Variants in PAPPA observed in about 807,000 individuals in gnomAD.
The protein encoded by PAPPA is pappalysin-1.
A neutral mutation model predicts 164.0 loss-of-function variants in PAPPA; 60 were observed. The observed-to-expected ratio is 0.37, with a 90% CI of 0.30 to 0.45. The LOEUF is 0.45. PAPPA is among the 20% of genes least tolerant of loss of function. PAPPA has a pLI of 1.00. For synonymous variants in PAPPA, 875 were observed against 814.1 expected, an observed-to-expected ratio of 1.07 and a Z score of -1.27; for missense variants, 1,782 against 2,087.3, an observed-to-expected ratio of 0.85 and a Z score of 2.85.
chr9:116,236,852 G>A (rs1844674145), intron 7 of PAPPA, among the ~76,000 whole-genome samples: 1 of 152,170 alleles, frequency 6.6e-6, no homozygotes, highest in Non-Finnish European at 1.5e-5. Flanking sequence ...AGATCACACA[G>A]TTAGGAAGCG....
At chr9:116,250,757 C>A (rs899752824) in intron 7 of PAPPA, among the ~76,000 whole-genome samples, 1 of 152,190 alleles carries the variant, frequency 6.6e-6, no homozygotes, top group Non-Finnish European at 1.5e-5. Flanking sequence ...AAAGAGGAAG[C>A]CACTTCTTCA....
chr9:116,158,399 ATAGT>A (rs1482973787), intron 1 of PAPPA, among the ~76,000 whole-genome samples: 1 of 152,122 alleles, frequency 6.6e-6, no homozygotes, highest in Non-Finnish European at 1.5e-5. Flanking sequence ...GAATATTGTA[ATAGT>A]TAGAACTCAG....
At chr9:116,234,040 AT>A (rs928433834) in intron 6 of PAPPA, among the ~76,000 whole-genome samples, 25 of 151,500 alleles carry the variant, frequency 1.7e-4, no homozygotes, top group Admixed American at 5.9e-4. Context: ...CTGTCTCTTA[AT>A]TTTTTTTTAA....
intron 17 of PAPPA, among the ~76,000 whole-genome samples, chr9:116,354,098 G>A (rs1445697946): frequency 6.6e-6 from 1 of 152,112 alleles, no homozygotes; most frequent in African/African-American, 2.4e-5. Flanking sequence ...TACCACCCAT[G>A]TTGGTCCTTG....
chr9:116,186,933 G>T (rs1291788939), intron 1 of PAPPA, among the ~76,000 whole-genome samples: 1 of 152,018 alleles, frequency 6.6e-6, no homozygotes. Flanking sequence ...TGATGAAAAT[G>T]CTCCAAACCC....
intron 10 of PAPPA, among the ~76,000 whole-genome samples, chr9:116,329,113 A>T (rs190015965): frequency 6.6e-6 from 1 of 152,306 alleles, no homozygotes; most frequent in Admixed American, 6.5e-5. Context: ...TAATGGAAAG[A>T]GAGACATTTG....
At chr9:116,186,206 ATGTGTGTG>A (rs3037575) in intron 1 of PAPPA, among the ~76,000 whole-genome samples, 42 of 145,226 alleles carry the variant, frequency 2.9e-4, no homozygotes, top group Admixed American at 4.2e-4. Flanking sequence ...CACTCATTAT[ATGTGTGTG>A]TGTGTGTGTG....
At chr9:116,209,926 C>T (rs963169093) in intron 3 of PAPPA, among the ~76,000 whole-genome samples, 2 of 152,178 alleles carry the variant, frequency 1.3e-5, no homozygotes, top group African/African-American at 4.8e-5. Context: ...AGCTGGACTC[C>T]AGGCTGCCCT....
chr9:116,202,031 G>A (rs1249432951), intron 2 of PAPPA, among the ~76,000 whole-genome samples: 1 of 152,142 alleles, frequency 6.6e-6, no homozygotes, highest in South Asian at 2.1e-4. Context: ...CTGCATAGGG[G>A]AAGTCCACTG....
At chr9:116,392,671 C>T (rs561745501) in intron 21 of PAPPA, among the ~76,000 whole-genome samples, 1 of 152,306 alleles carries the variant, frequency 6.6e-6, no homozygotes, top group South Asian at 2.1e-4. Flanking sequence ...AGAGGAGGCT[C>T]TGAACAGGCA....
At chr9:116,206,475 A>C (rs1356992032) in intron 2 of PAPPA, among the ~76,000 whole-genome samples, 1 of 152,176 alleles carries the variant, frequency 6.6e-6, no homozygotes, top group Non-Finnish European at 1.5e-5. Context: ...CCCATTAGTC[A>C]GGAATTATTG....
chr9:116,283,788 C>G (rs1418471821), intron 9 of PAPPA, among the ~76,000 whole-genome samples: 1 of 152,104 alleles, frequency 6.6e-6, no homozygotes, highest in Non-Finnish European at 1.5e-5. Context: ...TGAGTTCAGC[C>G]TCATTACCAA....
chr9:116,334,262 A>G (rs1170100566), intron 12 of PAPPA, among the ~76,000 whole-genome samples: 2 of 144,572 alleles, frequency 1.4e-5, no homozygotes, highest in African/African-American at 5.2e-5. Context: ...AAAAAAAAAC[A>G]GGGCTCTTGA....
At chr9:116,214,514 G>A (rs1844347505) in intron 4 of PAPPA, among the ~76,000 whole-genome samples, 1 of 152,120 alleles carries the variant, frequency 6.6e-6, no homozygotes. Flanking sequence ...GTAAGTATCT[G>A]CCTCATTTTC....
intron 21 of PAPPA, among the ~76,000 whole-genome samples, chr9:116,390,328 A>G (rs1846873967): frequency 6.6e-6 from 1 of 152,162 alleles, no homozygotes; most frequent in Non-Finnish European, 1.5e-5. Context: ...CTTTGGCGAG[A>G]GGAACAGTCT....
chr9:116,359,750 T>C (rs1044246288), intron 17 of PAPPA, among the ~76,000 whole-genome samples: 2 of 152,158 alleles, frequency 1.3e-5, no homozygotes, highest in Non-Finnish European at 2.9e-5. Context: ...CAAGAAAAGT[T>C]TGCAGGAGAA....
rs1216852259 is a variant in PAPPA at position 116,302,967 on chromosome 9, G to A, written c.3147+17G>A. 7 of 1,609,164 alleles carry A rather than the reference G, an allele frequency of 4.4e-6. No individual in the cohort carries two copies. Among genetic ancestry groups the A allele is most frequent in the Non-Finnish European group, 5.9e-6 (7 of 1,177,152 alleles). ...GCATCCCAGGTAAGATCCTAACCATGTGTGGCATTTCCTGCAGACATTCAA... is the reference window on the plus strand; with the variant it reads ...GCATCCCAGGTAAGATCCTAACCATATGTGGCATTTCCTGCAGACATTCAA... On this transcript the variant is annotated intron_variant, in intron 10 of 21. Coordinates refer to ENST00000328252, the MANE Select transcript of PAPPA (RefSeq NM_002581.5).
At chr9:116,318,883 G>A (rs1406036861) in intron 10 of PAPPA, among the ~76,000 whole-genome samples, 2 of 152,066 alleles carry the variant, frequency 1.3e-5, no homozygotes, top group South Asian at 2.1e-4. Flanking sequence ...CCCAGCCGCC[G>A]ACCCTCAGCA....
chr9:116,372,323 G>A (rs533426708), intron 19 of PAPPA, among the ~76,000 whole-genome samples: 1 of 151,740 alleles, frequency 6.6e-6, no homozygotes, highest in South Asian at 2.1e-4. Flanking sequence ...GGCCTCCTGT[G>A]GCCAAATTTT....
Sources: allele counts gnomAD v4.1 joint callset (sites outside exome capture counted in the v4.1 genomes callset), GRCh38; gene constraint gnomAD v4.1.1; transcripts MANE v1.5; gene names NCBI Gene and HGNC (gene_info 2026-07-23, HGNC 2026-07-21).